Variants in DEFB128 observed in about 807,000 individuals in gnomAD.
DEFB128 encodes defensin beta 128, also known as beta-defensin 128.
DEFB128 carries 1 observed loss-of-function variant against 2.4 expected under a neutral mutation model. The ratio of observed to expected loss-of-function variants is 0.41; its 90% CI spans 0.15 to 1.96. The LOEUF (loss-of-function observed/expected upper bound fraction) is 1.96. DEFB128 is among the 30% of genes most tolerant of loss of function. The pLI, the probability that DEFB128 is intolerant of heterozygous loss-of-function variation, is 0.30. For synonymous variants in DEFB128, 59 were observed against 39.1 expected, an observed-to-expected ratio of 1.51 and a Z score of -1.89; for missense variants, 129 against 104.9, an observed-to-expected ratio of 1.23 and a Z score of -1.00.
intron 1 of DEFB128, 114 bp downstream of exon 1, chr20:189,461 G>T: frequency 1.6e-6 from 2 of 1,222,110 alleles, no homozygotes. Context: ...GCAACCAGGA[G>T]AATGGGTACT....
rs1259135405 is a variant in DEFB128 at position 188,001 on chromosome 20, T to C, written c.167A>G (p.Asp56Gly). The change falls in exon 2 of 2, where the codon GAT (aspartate) becomes GGT (glycine). Residue 56 changes from aspartate (D) to glycine (G), a missense_variant. Coordinates refer to ENST00000334391, the MANE Select transcript of DEFB128 (RefSeq NM_001037732.3). The stretch of plus-strand genomic sequence containing the variant: ...TGACACATGTTTTTTCTCTTCTTCA[T>C]CATTAGCACAACATAATTTCCCACT... ...CLSGKLCCANDEEEKKHVSFK... is the reference protein window; with the variant it reads ...CLSGKLCCANGEEEKKHVSFK... The C allele has an allele frequency of 6.2e-7, 1 of 1,614,072 alleles. No individual in the cohort carries two copies. The highest frequency in any genetic ancestry group is 1.1e-5 in the South Asian group (1 of 91,088).
Position 189,585 on chromosome 20 carries a change from C to T in DEFB128, c.39G>A (p.Glu13=), listed in dbSNP as rs2011119703. ...ATTTGGACAAGTTACCTGTGAGTAC[C>T]TCAAACAGCAGAATAATGAGAACCA... The part of the protein sequence containing the change: ...LFLVLIILLF[E]VLTDGARLKK... The change falls in exon 1 of 2, where the codon GAG becomes GAA. Residue 13 remains glutamate, a synonymous_variant. Coordinates refer to ENST00000334391, the MANE Select transcript of DEFB128 (RefSeq NM_001037732.3). The T allele has an allele frequency of 6.2e-7, 1 of 1,613,792 alleles. No individual in the cohort carries two copies. The highest frequency in any genetic ancestry group is 1.7e-4 in the Middle Eastern group (1 of 6,058).
chr20:188,254 C>T (rs1452637496), intron 1 of DEFB128, 136 bp from the exon 2 acceptor site: 2 of 804,804 alleles, frequency 2.5e-6, no homozygotes, highest in Non-Finnish European at 2.0e-6. Context: ...AACTCAGAGG[C>T]CCCTCCTTGA....
At position 187,991 on chromosome 20, in the gene DEFB128, CTCT is replaced by C. The variant is rs1308489656; in HGVS notation, c.174_176del (p.Glu59del). ...GCTTCTTAAATGACACATGTTTTTT[CTCT>C]TCTTCATCATTAGCACAACATAATT... On this transcript the variant is annotated inframe_deletion, in exon 2 of 2. Coordinates refer to ENST00000334391, the MANE Select transcript of DEFB128 (RefSeq NM_001037732.3). The C allele has an allele frequency of 2.7e-5, 44 of 1,611,226 alleles. No homozygotes were observed. The highest frequency in any genetic ancestry group is 3.3e-4 in the Middle Eastern group (2 of 6,074).
intron 1 of DEFB128, among the ~76,000 whole-genome samples, chr20:188,838 T>A (rs1043893181): frequency 2.0e-5 from 3 of 152,150 alleles, no homozygotes; most frequent in Admixed American, 1.3e-4. Context: ...AGTCTCTTGT[T>A]TCTAATCCTT....
rs187986160 is a variant in DEFB128 at position 187,984 on chromosome 20, G to C, written c.184C>G (p.His62Asp). Residue 62 changes from histidine to aspartate, a missense_variant, in exon 2 of 2, where the codon CAT becomes GAT. By Grantham distance (81) the His-to-Asp change is moderately conservative. Transcript: ENST00000334391. ...CCANDEEEKK[H>D]VSFKKPHQHS... ...TGATGTGGCTTCTTAAATGACACAT[G>C]TTTTTTCTCTTCTTCATCATTAGCA... is the stretch of plus-strand genomic sequence containing the variant. The C allele has an allele frequency of 6.2e-7, 1 of 1,613,824 alleles. No individual in the cohort carries two copies. Among genetic ancestry groups the C allele is most frequent in the Non-Finnish European group, 8.5e-7 (1 of 1,179,784 alleles).
At position 189,514 on chromosome 20, in the gene DEFB128, G is replaced by C. The variant is rs1166499278; in HGVS notation, c.49+61C>G. 1.7e-5 allele frequency: 27 copies of C among 1,551,546 alleles called. No individual in the cohort carries two copies. The East Asian group carries it at 6.1e-4, about 35-fold the overall frequency. On this transcript the variant is annotated intron_variant, in intron 1 of 1. Coordinates refer to ENST00000334391, the MANE Select transcript of DEFB128 (RefSeq NM_001037732.3). Reference sequence around the variant, plus strand: ...AAATATAAATAATCTTGAAAGTCCTGTTCCCACTCTTACAAATAGTAATAT... The same window carrying C: ...AAATATAAATAATCTTGAAAGTCCTCTTCCCACTCTTACAAATAGTAATAT...
rs1218131074 is a variant in DEFB128, at chr20:188,114, C to G, written c.54G>C (p.Gly18=). The change falls in exon 2 of 2, where the codon GGG becomes GGC. Residue 18 remains glycine (G), a synonymous_variant. Coordinates refer to ENST00000334391, the MANE Select transcript of DEFB128 (RefSeq NM_001037732.3). ...TATTGAAGCATTTTTTGAGTCTTGCCCCGTCTGTGCATAGGAAACAACATT... is the reference window on the plus strand; with the variant it reads ...TATTGAAGCATTTTTTGAGTCTTGCGCCGTCTGTGCATAGGAAACAACATT... ...IILLFEVLTD[G]ARLKKCFNKV... 6.2e-7 allele frequency: 1 copy of G among 1,613,558 alleles called. No individual in the cohort carries two copies. Among genetic ancestry groups the G allele is most frequent in the Admixed American group, 1.7e-5 (1 of 59,992 alleles).
Position 189,668 on chromosome 20 carries a change from G to T in DEFB128, c.-45C>A. ...GAAAGAGGCAGCAGAACTTTGTCCA[G>T]TGGTCTGTGTGCCACAGGTCTTTAA... On this transcript the variant is annotated 5_prime_UTR_variant, in exon 1 of 2. It adds an upstream start codon to the 5' untranslated region. Coordinates refer to ENST00000334391, the MANE Select transcript of DEFB128 (RefSeq NM_001037732.3). 6.2e-7 allele frequency: 1 copy of T among 1,602,610 alleles called. No homozygotes were observed. The highest frequency in any genetic ancestry group is 1.3e-5 in the African/African-American group (1 of 74,760).
rs199862977 is a variant in DEFB128, at chr20:188,057, C to T, written c.111G>A (p.Lys37=). 1 of 1,614,076 alleles carries T rather than the reference C, an allele frequency of 6.2e-7. No individual in the cohort carries two copies. The highest frequency in any genetic ancestry group is 8.5e-7 in the Non-Finnish European group (1 of 1,179,962). Residue 37 remains lysine (K), a synonymous_variant, in exon 2 of 2, where the codon AAG becomes AAA. Transcript: ENST00000334391. The part of the protein sequence containing the change: ...KVTGYCRKKC[K]VGERYEIGCL... ...ATCCTATTTCATATCTTTCTCCTAC[C>T]TTGCATTTCTTCCTGCAATAGCCTG...
chr20:189,531 T>G, intron 1 of DEFB128, 44 bp downstream of exon 1: 1 of 1,583,924 alleles, frequency 6.3e-7, no homozygotes, highest in Non-Finnish European at 8.7e-7. Context: ...CTCTTACAAA[T>G]AGTAATATCT....
chr20:188,226 A>T (rs1158007647), intron 1 of DEFB128, 108 bp from the exon 2 acceptor site: 1 of 1,018,100 alleles, frequency 9.8e-7, no homozygotes, highest in East Asian at 2.4e-5. Flanking sequence ...CCAAGTGAAC[A>T]TTATGCTGAT....
In DEFB128 at chr20:188,090, A is replaced by T. The variant is rs764169789; in HGVS notation, c.78T>A (p.Asn26Lys). ...TDGARLKKCFNKVTGYCRKKC... is the reference protein window; with the variant it reads ...TDGARLKKCFKKVTGYCRKKC... ...TCTTCCTGCAATAGCCTGTTACTTTATTGAAGCATTTTTTGAGTCTTGCCC... is the reference window on the plus strand; with the variant it reads ...TCTTCCTGCAATAGCCTGTTACTTTTTTGAAGCATTTTTTGAGTCTTGCCC... The change falls in exon 2 of 2, where the codon AAT (asparagine) becomes AAA (lysine). Residue 26 changes from asparagine to lysine, a missense_variant. Coordinates refer to ENST00000334391, the MANE Select transcript of DEFB128 (RefSeq NM_001037732.3). 6.2e-7 allele frequency: 1 copy of T among 1,613,946 alleles called. No individual in the cohort carries two copies. The highest frequency in any genetic ancestry group is 1.7e-5 in the Admixed American group (1 of 60,010).
rs558588002 is a variant in DEFB128, at chr20:188,833, C to T, written c.50-715G>A. 2.8e-3 allele frequency among the ~76,000 whole-genome samples: 422 copies of T among 152,272 alleles called. 4 individuals are homozygous for T. Among genetic ancestry groups the T allele is most frequent in the Non-Finnish European group, 5.5e-3 (374 of 68,018 alleles). ...AGTAATGCACTGAAATTCTAAGTCTCTTGTTTCTAATCCTTATTTGCCCCT... is the reference window on the plus strand; with the variant it reads ...AGTAATGCACTGAAATTCTAAGTCTTTTGTTTCTAATCCTTATTTGCCCCT... On this transcript the variant is annotated intron_variant, in intron 1 of 1. Transcript: ENST00000334391.
chr20:188,407 G>A (rs533328889), intron 1 of DEFB128, among the ~76,000 whole-genome samples: 1 of 152,208 alleles, frequency 6.6e-6, no homozygotes, highest in South Asian at 2.1e-4. Flanking sequence ...CCCACCCCTA[G>A]GACCATGGCA....
chr20:188,682 C>T (rs1035447967), intron 1 of DEFB128, among the ~76,000 whole-genome samples: 2 of 152,178 alleles, frequency 1.3e-5, no homozygotes, highest in East Asian at 1.9e-4. Context: ...GAACTCCTTC[C>T]CTTAACCTGG....
chr20:188,882 A>G lies in DEFB128; in HGVS notation c.49+693T>C, dbSNP rs1223324617. ...CTCTACCCAAAATTTGAACAAGCCC[A>G]AAGAATAAGGTTGGAGAAGAGAGAC... On this transcript the variant is annotated intron_variant, in intron 1 of 1. Transcript: ENST00000334391. Among the ~76,000 whole-genome samples, 3 of 152,168 alleles carry G rather than the reference A, an allele frequency of 2.0e-5. No individual in the cohort carries two copies. The East Asian group carries it at 5.8e-4, about 29-fold the overall frequency.
Position 189,596 on chromosome 20 carries a change from G to T in DEFB128, c.28C>A (p.Leu10Met). ...TTACCTGTGAGTACCTCAAACAGCA[G>T]AATAATGAGAACCAGAAACAGCTTC... Reference protein sequence around the residue: MKLFLVLIILLFEVLTDGAR... With the variant: MKLFLVLIIMLFEVLTDGAR... Residue 10 changes from leucine (L) to methionine (M), a missense_variant, in exon 1 of 2, where the codon CTG (leucine) becomes ATG (methionine). Leu to Met is a conservative substitution (Grantham distance 15). Transcript: ENST00000334391. 1 of 1,613,880 alleles carries T rather than the reference G, an allele frequency of 6.2e-7. No individual in the cohort carries two copies. Among genetic ancestry groups the T allele is most frequent in the Non-Finnish European group, 8.5e-7 (1 of 1,179,850 alleles).
chr20:188,968 T>C (rs75216910), intron 1 of DEFB128, among the ~76,000 whole-genome samples: 4,620 of 152,206 alleles, frequency 0.03, 68 homozygotes, highest in African/African-American at 0.039. Flanking sequence ...GAGGAGTATA[T>C]TTTGGGGCCA....
Sources: allele counts gnomAD v4.1 joint callset (sites outside exome capture counted in the v4.1 genomes callset), GRCh38; gene constraint gnomAD v4.1.1; transcripts MANE v1.5; gene names NCBI Gene and HGNC (gene_info 2026-07-23, HGNC 2026-07-21).